The following LTK variants were observed in gnomAD, a reference collection of about 807,000 sequenced individuals.
The protein encoded by LTK is leukocyte tyrosine kinase receptor.
A neutral mutation model predicts 101.5 loss-of-function variants in LTK; 117 were observed. That is an observed-to-expected ratio of 1.15 (90% CI 0.99 to 1.34). The LOEUF (loss-of-function observed/expected upper bound fraction) is 1.34. Among genes scored for constraint, LTK ranks in the 40% most tolerant of loss-of-function variants. LTK has a pLI of 0.00. For missense variants in LTK, 1,252 were observed against 1,164.7 expected, an observed-to-expected ratio of 1.07 and a Z score of -1.09; for synonymous variants, 563 against 494.2, an observed-to-expected ratio of 1.14 and a Z score of -1.85.
rs1477155552 is a variant in LTK, at chr15:41,511,998, G to A, written c.511-35C>T. On this transcript the variant is annotated intron_variant, in intron 4 of 19. Transcript: ENST00000263800. The surrounding 1 kb of genome is among the most constrained non-coding windows in gnomAD (Gnocchi z 5.9). ...GCGGGGGAGGGAATCGGCGGGGCCC[G>A]GGAGCCTCCCCTCGCTGTGCTGGTG... 2.8e-6 allele frequency: 4 copies of A among 1,438,320 alleles called. No homozygotes were observed. Among genetic ancestry groups the A allele is most frequent in the South Asian group, 1.5e-5 (1 of 67,350 alleles). 89.1% of individuals were successfully genotyped at this position (1,438,320 alleles called of 1,614,324 possible).
At chr15:41,510,261 C>G (rs1331953346) in intron 7 of LTK, among the ~76,000 whole-genome samples, 1 of 152,098 alleles carries the variant, frequency 6.6e-6, no homozygotes, top group Non-Finnish European at 1.5e-5. Context: ...CCGCCTCCGC[C>G]GCCCAAAGTG....
At position 41,513,091 on chromosome 15, in the gene LTK, G is replaced by A. The variant is rs1369697176; in HGVS notation, c.73C>T (p.Gln25Ter). ...GGCGAGGACCGCAGAAAAGTCTCCT[G>A]GGACCCCGGGCTAGAGCAGAGAATG... The part of the protein sequence containing the change: ...GAILCSSPGS[Q>*]ETFLRSSPLP... The change falls in exon 2 of 20, where the codon CAG (glutamine) becomes TAG (stop). Residue 25 changes from glutamine to a stop codon, truncating the protein, a stop_gained. Coordinates refer to ENST00000263800, the MANE Select transcript of LTK (RefSeq NM_002344.6). LOFTEE classifies it high-confidence loss of function. The A allele has an allele frequency of 1.2e-6, 2 of 1,608,700 alleles. No homozygotes were observed. The highest frequency in any genetic ancestry group is 3.4e-5 in the Admixed American group (2 of 58,894).
In LTK at chr15:41,513,726, C is replaced by G. The variant is rs988958930; in HGVS notation, c.-17G>C. ...GCAGCCCATCCCTGTTGGGTCCACC[C>G]GGCAACAAAAGCCCTTGCGGTCGCG... On this transcript the variant is annotated 5_prime_UTR_variant, in exon 1 of 20. Coordinates refer to ENST00000263800, the MANE Select transcript of LTK (RefSeq NM_002344.6). 8 of 1,612,932 alleles carry G rather than the reference C, an allele frequency of 5.0e-6. No homozygotes were observed. In the African/African-American group the frequency reaches 6.7e-5, roughly 13 times the overall value.
Position 41,512,189 on chromosome 15 carries a change from C to G in LTK, c.436G>C (p.Ala146Pro). The change falls in exon 4 of 20, where the codon GCA becomes CCA. Residue 146 changes from alanine to proline, a missense_variant. Physicochemically the swap from Ala to Pro is conservative, Grantham distance 27. Transcript: ENST00000263800. ...TCCCCGAGACCGAGGGAGAAGATTG[C>G]TGAGACGAAGACGCCATGCGCCCGC... is the stretch of plus-strand genomic sequence containing the variant. Reference protein sequence around the residue: ...LSRAHGVFVSAIFSLGLGESL... With the variant: ...LSRAHGVFVSPIFSLGLGESL... 6.2e-7 allele frequency: 1 copy of G among 1,613,198 alleles called. No homozygotes were observed. The highest frequency in any genetic ancestry group is 1.3e-5 in the African/African-American group (1 of 75,004).
chr15:41,511,479 C>A lies in LTK; in HGVS notation c.757G>T (p.Glu253Ter). 1 of 1,467,272 alleles carries A rather than the reference C, an allele frequency of 6.8e-7. No homozygotes were observed. Among genetic ancestry groups the A allele is most frequent in the Non-Finnish European group, 8.9e-7 (1 of 1,118,100 alleles). The allele number at this position is 1,467,272 out of a possible 1,614,324, so 90.9% of individuals were successfully genotyped here. A position where few individuals can be genotyped will look rare whatever the true frequency, so the allele number is the denominator to read the frequency against. The change falls in exon 6 of 20, where the codon GAG becomes TAG. Residue 253 changes from glutamate (E) to a stop codon, truncating the protein, a stop_gained. Transcript: ENST00000263800. LOFTEE classifies it high-confidence loss of function. This position sits in a 1 kb window ranked among gnomAD's most constrained non-coding sequence, Gnocchi z 5.9. ...GCCTCCGAGCGGTTCTCCAGTTTCT[C>A]GGGGGAGGCCTGAGTCCGGCCTCGG... ...RDRGRTQASP[E>*]KLENRSEAPG...
At position 41,503,645 on chromosome 15, in the gene LTK, GAGA is replaced by G; in HGVS notation, c.*348_*350del. On this transcript the variant is annotated 3_prime_UTR_variant, in exon 20 of 20. Transcript: ENST00000263800. ...TGGCATCCACAGATCGCTGGAGGAT[GAGA>G]AGAGCTTTTTATTAGAAGCATCTGC... is the stretch of plus-strand genomic sequence containing the variant. The G allele has an allele frequency of 1.7e-6, 1 of 584,664 alleles. No individual in the cohort carries two copies. Among genetic ancestry groups the G allele is most frequent in the South Asian group, 1.4e-5 (1 of 72,106 alleles). 36.2% of individuals were successfully genotyped at this position (584,664 alleles called of 1,614,324 possible). A position where few individuals can be genotyped will look rare whatever the true frequency, so the allele number is the denominator to read the frequency against.
chr15:41,513,757 A>G lies in LTK; in HGVS notation c.-48T>C. 6 of 1,522,522 alleles carry G rather than the reference A, an allele frequency of 3.9e-6. No homozygotes were observed. Among genetic ancestry groups the G allele is most frequent in the Non-Finnish European group, 5.5e-6 (6 of 1,097,246 alleles). 94.3% of individuals were successfully genotyped at this position (1,522,522 alleles called of 1,614,324 possible). On this transcript the variant is annotated 5_prime_UTR_variant, in exon 1 of 20. Transcript: ENST00000263800. ...CAAAAGCCCTTGCGGTCGCGGCCAC[A>G]CCCCTGTCAACCTAAAGTTGACAGC...
intron 4 of LTK, 74 bp downstream of exon 4, chr15:41,512,041 G>A: frequency 6.7e-7 from 1 of 1,481,920 alleles, no homozygotes; most frequent in Non-Finnish European, 9.0e-7. Flanking sequence ...ACCGAGGAAA[G>A]CACGCTCCCC....
At position 41,513,048 on chromosome 15, in the gene LTK, G is replaced by A. The variant is rs768301148; in HGVS notation, c.116C>T (p.Pro39Leu). ...GCTGACTTTCGGGTCCCGGGGGCTG[G>A]GACTTGCCAGCGGCAGGGGCGAGGA... ...LRSSPLPLAS[P>L]SPRDPKVSAP... Residue 39 changes from proline (P) to leucine (L), a missense_variant, in exon 2 of 20, where the codon CCC (proline) becomes CTC (leucine). By Grantham distance (98) the Pro-to-Leu change is moderately conservative. Transcript: ENST00000263800. The A allele has an allele frequency of 4.3e-6, 7 of 1,612,320 alleles. No individual in the cohort carries two copies. Among genetic ancestry groups the A allele is most frequent in the Non-Finnish European group, 5.9e-6 (7 of 1,179,604 alleles).
In LTK at chr15:41,504,044, G is replaced by A. The variant is rs1343550047; in HGVS notation, c.2547C>T (p.Ser849=). ...WLSSGLKPLK[S]RGLQPQNLWN... The stretch of plus-strand genomic sequence containing the variant: ...AAAGGTTCTGAGGTTGGAGGCCCCT[G>A]GATTTGAGGGGCTTGAGGCCAGAGG... The change falls in exon 20 of 20, where the codon TCC becomes TCT. Residue 849 remains serine (S), a synonymous_variant. Transcript: ENST00000263800. 6.8e-6 allele frequency: 11 copies of A among 1,613,270 alleles called. No individual in the cohort carries two copies. The highest frequency in any genetic ancestry group is 9.3e-6 in the Non-Finnish European group (11 of 1,179,796).
chr15:41,505,937 C>T lies in LTK; in HGVS notation c.1610G>A (p.Ser537Asn), dbSNP rs749749867. 5 of 1,613,838 alleles carry T rather than the reference C, an allele frequency of 3.1e-6. No individual in the cohort carries two copies. Among genetic ancestry groups the T allele is most frequent in the Non-Finnish European group, 4.2e-6 (5 of 1,179,884 alleles). ...CACCTTGATAGCTACCTGCAGGGGA[C>T]TGGAGTCCCCAGGAAGGCCAATTAC... ...GLVIGLPGDS[S>N]PLQVAIKTLP... Residue 537 changes from serine to asparagine, a missense_variant, in exon 12 of 20, where the codon AGT becomes AAT. Physicochemically the swap from Ser to Asn is conservative, Grantham distance 46 (BLOSUM62 1). Transcript: ENST00000263800.
At position 41,507,549 on chromosome 15, in the gene LTK, A is replaced by G. The variant is rs1262408266; in HGVS notation, c.1345+13T>C. The G allele has an allele frequency of 6.2e-7, 1 of 1,612,686 alleles. No homozygotes were observed. The highest frequency in any genetic ancestry group is 2.2e-5 in the East Asian group (1 of 44,760). ...CAGCCTTGAATCAACTGTGCCTGCT[A>G]GACGCTTCGTACCCAGAATCAGGAC... On this transcript the variant is annotated intron_variant, in intron 10 of 19. Coordinates refer to ENST00000263800, the MANE Select transcript of LTK (RefSeq NM_002344.6).
chr15:41,512,267 TG>T lies in LTK; in HGVS notation c.360-3del. The T allele has an allele frequency of 6.2e-7, 1 of 1,610,488 alleles. No individual in the cohort carries two copies. Among genetic ancestry groups the T allele is most frequent in the Non-Finnish European group, 8.5e-7 (1 of 1,178,550 alleles). On this transcript the variant is annotated splice_polypyrimidine_tract_variant and splice_region_variant and intron_variant, in intron 3 of 19. Coordinates refer to ENST00000263800, the MANE Select transcript of LTK (RefSeq NM_002344.6). ...CCCGCGGCTCCGTAGGCTGAGATCC[TG>T]CGGGGAACGGACGGTGAGTCCCCGG... is the stretch of plus-strand genomic sequence containing the variant.
At chr15:41,504,745 G>GGGAA in intron 17 of LTK, 28 bp downstream of exon 17, 1 of 1,602,280 alleles carries the variant, frequency 6.2e-7, no homozygotes, top group Non-Finnish European at 8.5e-7. Flanking sequence ...GGGAACAGTG[G>GGGAA]GGAAGGGGAG....
At position 41,511,199 on chromosome 15, in the gene LTK, GC is replaced by G; in HGVS notation, c.961del (p.Ala321ProfsTer53). 2.2e-6 allele frequency: 3 copies of G among 1,394,736 alleles called. No homozygotes were observed. Among genetic ancestry groups the G allele is most frequent in the East Asian group, 3.1e-5 (1 of 32,640 alleles). 86.4% of individuals were successfully genotyped at this position (1,394,736 alleles called of 1,614,324 possible). A position where few individuals can be genotyped will look rare whatever the true frequency, so the allele number is the denominator to read the frequency against. On this transcript the variant is annotated frameshift_variant, in exon 7 of 20. Coordinates refer to ENST00000263800, the MANE Select transcript of LTK (RefSeq NM_002344.6). LOFTEE classifies it high-confidence loss of function. The surrounding 1 kb of genome is among the most constrained non-coding windows in gnomAD (Gnocchi z 5.9). ...GCCGCCGCCTCCGCCCGCAGTGCAG[GC>G]CCCGCCGCCGCCCCCGAAGCCGCCG... is the stretch of plus-strand genomic sequence containing the variant. Reference protein sequence around the residue: ...AAGGFGGGGGACTAGGGGGGY... With the variant: ...AAGGFGGGGGXCTAGGGGGGY...
rs556097894 is a variant in LTK, at chr15:41,504,402, G to C, written c.2286C>G (p.His762Gln). 2 of 1,614,024 alleles carry C rather than the reference G, an allele frequency of 1.2e-6. No homozygotes were observed. Among genetic ancestry groups the C allele is most frequent in the East Asian group, 2.2e-5 (1 of 44,904 alleles). Residue 762 changes from histidine to glutamine, a missense_variant, in exon 19 of 20, where the codon CAC becomes CAG. By Grantham distance (24) the His-to-Gln change is conservative (BLOSUM62 0). Transcript: ENST00000263800. ...CAAAGCTAGGGCGGAGCTCAGGCTC[G>C]TGCTGCCAACACTGGGTCATGATGC... is the stretch of plus-strand genomic sequence containing the variant. Reference protein sequence around the residue: ...VYRIMTQCWQHEPELRPSFAS... With the variant: ...VYRIMTQCWQQEPELRPSFAS...
chr15:41,504,947 C>A (rs368894673), intron 16 of LTK, 25 bp downstream of exon 16: 1 of 1,599,274 alleles, frequency 6.3e-7, no homozygotes, highest in Non-Finnish European at 8.5e-7. Flanking sequence ...GGAGCAAGAG[C>A]CTTCCCACCT....
chr15:41,504,520 G>T lies in LTK; in HGVS notation c.2241C>A (p.Gly747=), dbSNP rs2051185753. The change falls in exon 18 of 20, where the codon GGC becomes GGA. Residue 747 remains glycine, a synonymous_variant. Coordinates refer to ENST00000263800, the MANE Select transcript of LTK (RefSeq NM_002344.6). ...VGGGRMDPPR[G]CPGPVYRIMT... ...ACTCAACTCACACAGGCCCTGGGCA[G>T]CCCCTAGGAGGGTCCATCCGGCCTC... 1 of 1,613,380 alleles carries T rather than the reference G, an allele frequency of 6.2e-7. No individual in the cohort carries two copies.
intron 8 of LTK, 127 bp from the exon 9 acceptor site, chr15:41,508,348 C>T (rs1419568328): frequency 1.6e-5 from 11 of 704,150 alleles, no homozygotes; most frequent in Non-Finnish European, 1.9e-5. Context: ...GTGAGCGGAT[C>T]ACCGGAGGTC....
Sources: gnomAD v4.1 joint callset for allele counts (sites outside exome capture counted in the v4.1 genomes callset) on GRCh38, gnomAD v4.1.1 for gene constraint, Gnocchi (gnomAD v3.1) non-coding constraint, MANE v1.5 for transcripts, NCBI Gene and HGNC (gene_info 2026-07-23, HGNC 2026-07-21) for gene names.